KDM4C: variants seen among roughly 807,000 people sequenced by gnomAD.
The protein encoded by KDM4C is lysine-specific demethylase 4C.
In KDM4C, 81 loss-of-function variants were observed where a neutral mutation model predicts 129.3. The ratio of observed to expected loss-of-function variants is 0.63; its 90% CI spans 0.52 to 0.75. The LOEUF (loss-of-function observed/expected upper bound fraction) is 0.75. Ranked by LOEUF, KDM4C falls within the 30% of genes least tolerant of loss-of-function variation. The pLI is 0.00. For missense variants in KDM4C, 1,457 were observed against 1,304.0 expected (o/e 1.12, Z -1.81); for synonymous variants, 573 against 456.1 (o/e 1.26, Z -3.26).
chr9:6,940,499 A>G (rs1050308461), intron 8 of KDM4C, among the ~76,000 whole-genome samples: 1 of 152,218 alleles, frequency 6.6e-6, no homozygotes, highest in African/African-American at 2.4e-5. Flanking sequence ...TAAAAATAAG[A>G]TCTATATGCT....
At chr9:6,965,365 A>G (rs1317206002) in intron 8 of KDM4C, among the ~76,000 whole-genome samples, 2 of 152,026 alleles carry the variant, frequency 1.3e-5, no homozygotes, top group African/African-American at 4.8e-5. Context: ...AGAGATATAT[A>G]TGACTAAATT....
intron 6 of KDM4C, among the ~76,000 whole-genome samples, chr9:6,887,237 T>C (rs561000397): frequency 8.5e-5 from 13 of 152,342 alleles, no homozygotes; most frequent in African/African-American, 3.1e-4. Context: ...ACTGAGTTAA[T>C]GAGAGTCTGC....
chr9:7,085,833 TTTTC>T (rs1345818050), intron 17 of KDM4C, among the ~76,000 whole-genome samples: 1 of 151,976 alleles, frequency 6.6e-6, no homozygotes, highest in East Asian at 1.9e-4. Context: ...TTTTTTCCCT[TTTTC>T]TTTCTTTTTT....
chr9:7,116,447 G>C (rs1346854512), intron 18 of KDM4C, among the ~76,000 whole-genome samples: 6 of 113,406 alleles, frequency 5.3e-5, no homozygotes, highest in Non-Finnish European at 1.1e-4. Flanking sequence ...TCAAGAACAG[G>C]AGGGCCACAG....
intron 8 of KDM4C, 26 bp from the exon 9 acceptor site, chr9:6,980,899 C>T (rs371428478): frequency 6.2e-6 from 10 of 1,609,078 alleles, no homozygotes; most frequent in Middle Eastern, 1.7e-4. Flanking sequence ...AAACGTTTAA[C>T]ACTCTCCAAC....
At chr9:6,900,772 G>A (rs562089458) in intron 8 of KDM4C, among the ~76,000 whole-genome samples, 3 of 152,290 alleles carry the variant, frequency 2.0e-5, no homozygotes, top group South Asian at 2.1e-4. Flanking sequence ...TGATTAAGGC[G>A]GTAGGGGTGA....
At chr9:7,035,731 A>T (rs1827531101) in intron 15 of KDM4C, among the ~76,000 whole-genome samples, 1 of 152,122 alleles carries the variant, frequency 6.6e-6, no homozygotes, top group Admixed American at 6.5e-5. Flanking sequence ...GGCACTGTTC[A>T]TTGAAGAGAC....
At chr9:7,022,663 C>A (rs1332600411) in intron 15 of KDM4C, among the ~76,000 whole-genome samples, 3 of 126,152 alleles carry the variant, frequency 2.4e-5, no homozygotes, top group East Asian at 2.3e-4. Context: ...TCTGATTACG[C>A]TGGCTAGGAT....
chr9:6,960,324 G>T (rs560765710), intron 8 of KDM4C, among the ~76,000 whole-genome samples: 3 of 147,950 alleles, frequency 2.0e-5, no homozygotes, highest in African/African-American at 7.5e-5. Flanking sequence ...CTGTCACCCA[G>T]GCTGAAGTAC....
intron 15 of KDM4C, among the ~76,000 whole-genome samples, chr9:7,021,186 C>G (rs1824785222): frequency 6.7e-6 from 1 of 149,820 alleles, no homozygotes; most frequent in East Asian, 2.0e-4. Context: ...GGGTCTTGCT[C>G]TGTGGCCCAG....
intron 5 of KDM4C, among the ~76,000 whole-genome samples, chr9:6,865,777 G>C (rs886454842): frequency 2.0e-5 from 3 of 151,382 alleles, no homozygotes; most frequent in African/African-American, 7.3e-5. Flanking sequence ...GTGCGACGGA[G>C]TCTCGCTCTG....
Position 7,103,735 on chromosome 9 carries a change from C to T in KDM4C, c.2475C>T (p.Ile825=). ...TTAAGAGGGTCTCTGGAGCCTGCAT[C>T]CAGTGTTCCTACGGTCGCTGCCCGG... ...HRVKRVSGAC[I]QCSYGRCPAS... The change falls in exon 18 of 22, where the codon ATC becomes ATT. Residue 825 remains isoleucine, a synonymous_variant. Transcript: ENST00000381309. The T allele has an allele frequency of 6.2e-7, 1 of 1,614,050 alleles. No homozygotes were observed. The highest frequency in any genetic ancestry group is 1.3e-5 in the African/African-American group (1 of 75,030).
intron 16 of KDM4C, among the ~76,000 whole-genome samples, chr9:7,047,773 T>C (rs923432677): frequency 1.3e-5 from 2 of 152,004 alleles, no homozygotes; most frequent in African/African-American, 4.8e-5. Context: ...TGTATATCCC[T>C]ATAAGGCAGT....
At chr9:6,791,907 A>T (rs1201889340) in intron 1 of KDM4C, among the ~76,000 whole-genome samples, 1 of 152,158 alleles carries the variant, frequency 6.6e-6, no homozygotes, top group Non-Finnish European at 1.5e-5. Flanking sequence ...CTGTAATCCG[A>T]GCTACCCGGA....
intron 12 of KDM4C, 70 bp from the exon 13 acceptor site, chr9:7,011,628 C>A: frequency 1.5e-6 from 2 of 1,369,774 alleles, no homozygotes; most frequent in East Asian, 2.3e-5. Flanking sequence ...ATGTTTATTT[C>A]TTTTGTACTC....
At chr9:6,735,440 G>T (rs1817497439) in intron 1 of KDM4C, among the ~76,000 whole-genome samples, 1 of 152,156 alleles carries the variant, frequency 6.6e-6, no homozygotes, top group Non-Finnish European at 1.5e-5. Flanking sequence ...ATCTTGAATT[G>T]TAACTCCCAT....
chr9:6,796,701 C>G (rs1827820166), intron 2 of KDM4C, among the ~76,000 whole-genome samples: 1 of 152,166 alleles, frequency 6.6e-6, no homozygotes, highest in South Asian at 2.1e-4. Flanking sequence ...GACTCATTGA[C>G]AAAGTTGGAG....
intron 5 of KDM4C, among the ~76,000 whole-genome samples, chr9:6,859,338 A>G (rs1840497367): frequency 1.3e-5 from 2 of 151,938 alleles, no homozygotes; most frequent in South Asian, 4.2e-4. Context: ...AGTTCGACGT[A>G]GTGGCCCACG....
intron 18 of KDM4C, among the ~76,000 whole-genome samples, chr9:7,118,830 C>T (rs1321519848): frequency 6.6e-6 from 1 of 152,148 alleles, no homozygotes; most frequent in Non-Finnish European, 1.5e-5. Context: ...CCCAAGGTGA[C>T]ATCTCCGCCC....
Sources: allele counts gnomAD v4.1 joint callset (sites outside exome capture counted in the v4.1 genomes callset), GRCh38; gene constraint gnomAD v4.1.1; transcripts MANE v1.5; gene names NCBI Gene and HGNC (gene_info 2026-07-23, HGNC 2026-07-21).